Variants in RBMS1 observed in about 807,000 individuals in gnomAD.
The protein encoded by RBMS1 is RNA-binding motif, single-stranded-interacting protein 1.
RBMS1 carries 17 observed loss-of-function variants against 62.3 expected under a neutral mutation model. The ratio of observed to expected loss-of-function variants is 0.27; its 90% CI spans 0.19 to 0.41. The LOEUF (loss-of-function observed/expected upper bound fraction) is 0.41. Ranked by LOEUF, RBMS1 falls within the 10% of genes least tolerant of loss-of-function variation. The pLI is 1.00. For synonymous variants in RBMS1, 172 were observed against 170.0 expected (o/e 1.01, Z -0.09); for missense variants, 334 against 504.5 (o/e 0.66, Z 3.24).
At chr2:160,477,950 T>A (rs1003964008) in intron 1 of RBMS1, among the ~76,000 whole-genome samples, 1 of 152,248 alleles carries the variant, frequency 6.6e-6, no homozygotes, top group Non-Finnish European at 1.5e-5. Flanking sequence ...TATTTACACA[T>A]GAATATTATT....
At chr2:160,453,658 C>T (rs947099801) in intron 1 of RBMS1, among the ~76,000 whole-genome samples, 9 of 152,122 alleles carry the variant, frequency 5.9e-5, no homozygotes, top group African/African-American at 2.2e-4. Context: ...CACAGATCTG[C>T]TCTCTCATTC....
chr2:160,301,043 C>T lies in RBMS1; in HGVS notation c.561-313G>A, dbSNP rs548858047. Among the ~76,000 whole-genome samples the T allele has an allele frequency of 1.5e-4, 23 of 152,266 alleles. No individual in the cohort carries two copies. In the South Asian group the frequency reaches 4.8e-3, roughly 32 times the overall value. On this transcript the variant is annotated intron_variant, in intron 5 of 13. Transcript: ENST00000348849. ...AAATTGAAAAATCAATACACAATAG[C>T]TTTGTTAGCCATAATAGTGAATTGC...
intron 1 of RBMS1, 64 bp downstream of exon 1, chr2:160,493,225 C>G (rs1417848612): frequency 7.3e-6 from 11 of 1,513,396 alleles, no homozygotes; most frequent in Non-Finnish European, 1.0e-5. Flanking sequence ...CTCCCCAGGC[C>G]TGACCCTGCG....
At chr2:160,444,575 A>G (rs1370236399) in intron 1 of RBMS1, among the ~76,000 whole-genome samples, 1 of 152,188 alleles carries the variant, frequency 6.6e-6, no homozygotes, top group Non-Finnish European at 1.5e-5. Flanking sequence ...CCCGGATTAC[A>G]TTCAAACTCA....
intron 9 of RBMS1, chr2:160,284,473 T>G (rs1031759467): frequency 6.9e-5 from 26 of 378,768 alleles, no homozygotes; most frequent in Non-Finnish European, 9.4e-5. Flanking sequence ...GTTTCAATTT[T>G]TGGGACACAT....
At chr2:160,322,715 C>G (rs534981299) in intron 2 of RBMS1, among the ~76,000 whole-genome samples, 3 of 152,282 alleles carry the variant, frequency 2.0e-5, no homozygotes, top group African/African-American at 7.2e-5. Flanking sequence ...CTCAATTATA[C>G]CACTTCCAGC....
intron 1 of RBMS1, among the ~76,000 whole-genome samples, chr2:160,425,891 A>AC (rs1219772325): frequency 3.9e-5 from 6 of 152,112 alleles, no homozygotes; most frequent in Non-Finnish European, 7.3e-5. Context: ...TAACACAAAC[A>AC]GTAGTGGGTC....
chr2:160,369,987 A>G (rs1360814337), intron 1 of RBMS1, among the ~76,000 whole-genome samples: 1 of 152,196 alleles, frequency 6.6e-6, no homozygotes, highest in Non-Finnish European at 1.5e-5. Context: ...TTTAATATAA[A>G]TTTGATGGCC....
chr2:160,308,253 G>GGT (rs1689654386), intron 4 of RBMS1, among the ~76,000 whole-genome samples: 1 of 152,052 alleles, frequency 6.6e-6, no homozygotes, highest in South Asian at 2.1e-4. Flanking sequence ...AAATTAGCCA[G>GGT]GTGTGGTAGT....
intron 6 of RBMS1, among the ~76,000 whole-genome samples, chr2:160,298,211 C>T (rs1232563384): frequency 6.6e-6 from 1 of 152,012 alleles, no homozygotes; most frequent in African/African-American, 2.4e-5. Flanking sequence ...GTAGGGGAGT[C>T]CAGTCCTGGG....
chr2:160,349,536 C>T (rs1469658209), intron 2 of RBMS1, among the ~76,000 whole-genome samples: 1 of 149,134 alleles, frequency 6.7e-6, no homozygotes, highest in South Asian at 2.2e-4. Flanking sequence ...ATTTTAGTTG[C>T]TCATCTCAGA....
intron 1 of RBMS1, among the ~76,000 whole-genome samples, chr2:160,403,783 G>T (rs766814428): frequency 1.3e-5 from 2 of 152,098 alleles, no homozygotes; most frequent in Admixed American, 6.5e-5. Context: ...CTTCCTACAT[G>T]CCACGATGTG....
intron 1 of RBMS1, among the ~76,000 whole-genome samples, chr2:160,473,241 A>G (rs1331746120): frequency 6.6e-6 from 1 of 152,206 alleles, no homozygotes; most frequent in Admixed American, 6.5e-5. Context: ...CCCCATGCAC[A>G]CTGACTTGGT....
At chr2:160,430,454 T>C (rs1241664084) in intron 1 of RBMS1, among the ~76,000 whole-genome samples, 1 of 152,068 alleles carries the variant, frequency 6.6e-6, no homozygotes, top group Non-Finnish European at 1.5e-5. Flanking sequence ...GATCTTGGAG[T>C]GCTTAAAAAC....
intron 1 of RBMS1, among the ~76,000 whole-genome samples, chr2:160,383,672 T>C (rs1694410610): frequency 6.6e-6 from 1 of 152,182 alleles, no homozygotes; most frequent in South Asian, 2.1e-4. Context: ...CTTCTAGCTA[T>C]TTGAAACTAT....
intron 1 of RBMS1, among the ~76,000 whole-genome samples, chr2:160,467,550 C>G (rs1239428040): frequency 6.6e-6 from 1 of 152,102 alleles, no homozygotes; most frequent in Non-Finnish European, 1.5e-5. Flanking sequence ...ATGAGAGCAC[C>G]ACAACCATCT....
chr2:160,312,287 T>C (rs1689968726), intron 4 of RBMS1, among the ~76,000 whole-genome samples: 2 of 152,142 alleles, frequency 1.3e-5, no homozygotes, highest in Non-Finnish European at 1.5e-5. Context: ...AAGGACACAA[T>C]GACTGGCTGA....
chr2:160,395,602 T>C (rs1168051160), intron 1 of RBMS1, among the ~76,000 whole-genome samples: 3 of 124,830 alleles, frequency 2.4e-5, no homozygotes, highest in African/African-American at 6.4e-5. Context: ...CCAGCCTGGG[T>C]GACACAGCGA....
intron 12 of RBMS1, among the ~76,000 whole-genome samples, chr2:160,276,226 A>G (rs994779328): frequency 1.3e-5 from 2 of 152,228 alleles, no homozygotes; most frequent in Admixed American, 1.3e-4. Flanking sequence ...AAGTAGTTAC[A>G]AAGATAATTT....
Sources: allele counts gnomAD v4.1 joint callset (sites outside exome capture counted in the v4.1 genomes callset), GRCh38; gene constraint gnomAD v4.1.1; transcripts MANE v1.5; gene names NCBI Gene and HGNC (gene_info 2026-07-23, HGNC 2026-07-21).